Variants in KSR2 observed in about 807,000 individuals in gnomAD.
The protein encoded by KSR2 is kinase suppressor of ras 2.
In KSR2, 25 loss-of-function variants were observed where a neutral mutation model predicts 107.8. The observed-to-expected ratio is 0.23, with a 90% confidence interval of 0.17 to 0.32. The LOEUF (loss-of-function observed/expected upper bound fraction) is 0.32, where lower values mean the gene tolerates loss of function less well. Ranked by LOEUF, KSR2 falls within the 10% of genes least tolerant of loss-of-function variation. The pLI, the probability that KSR2 is intolerant of heterozygous loss-of-function variation, is 1.00. For synonymous variants in KSR2, 480 were observed against 507.0 expected (o/e 0.95, Z 0.71); for missense variants, 887 against 1,268.9 (o/e 0.70, Z 4.57).
chr12:117,805,240 TA>T (rs1890972197), intron 3 of KSR2, among the ~76,000 whole-genome samples: 1 of 152,240 alleles, frequency 6.6e-6, no homozygotes, highest in Non-Finnish European at 1.5e-5. Context: ...CACACCTTTT[TA>T]GGGACTAACT....
intron 5 of KSR2, among the ~76,000 whole-genome samples, chr12:117,596,779 C>T (rs1350130428): frequency 6.6e-6 from 1 of 152,140 alleles, no homozygotes; most frequent in Non-Finnish European, 1.5e-5. Context: ...ATTAAAATCT[C>T]CTAGTAGGCA....
At chr12:117,841,582 C>T (rs1193245770) in intron 3 of KSR2, among the ~76,000 whole-genome samples, 1 of 152,174 alleles carries the variant, frequency 6.6e-6, no homozygotes, top group Non-Finnish European at 1.5e-5. Context: ...TATCTCAGTT[C>T]CAGTGTAAGC....
Position 117,829,185 on chromosome 12 carries a change from C to G in KSR2, c.472+26243G>C, listed in dbSNP as rs573711930. The stretch of plus-strand genomic sequence containing the variant: ...CCAGTCTCATCTCCTCTTTTCATCT[C>G]CCTAATCCTCTTCCAGGCTGACTTC... On this transcript the variant is annotated intron_variant, in intron 3 of 19. Transcript: ENST00000339824. Among the ~76,000 whole-genome samples the G allele has an allele frequency of 2.6e-5, 4 of 152,308 alleles. 1 individual carries two copies. The South Asian group carries it at 8.3e-4, about 32-fold the overall frequency.
chr12:117,646,364 C>T (rs16947837), intron 5 of KSR2, among the ~76,000 whole-genome samples: 4,687 of 152,232 alleles, frequency 0.031, 242 homozygotes, highest in African/African-American at 0.11. Context: ...TATCAGCTCA[C>T]TGGGTCCTCG....
At chr12:117,481,095 A>G (rs1029564386) in intron 16 of KSR2, among the ~76,000 whole-genome samples, 1 of 152,176 alleles carries the variant, frequency 6.6e-6, no homozygotes, top group Non-Finnish European at 1.5e-5. Context: ...CAAAATGCTA[A>G]AATATCCTTC....
At chr12:117,536,092 C>T (rs1402174899) in intron 10 of KSR2, among the ~76,000 whole-genome samples, 1 of 152,194 alleles carries the variant, frequency 6.6e-6, no homozygotes, top group Non-Finnish European at 1.5e-5. Flanking sequence ...CTTTTCACCA[C>T]ATGTCCTGAG....
At chr12:117,611,960 T>C (rs1881628081) in intron 5 of KSR2, among the ~76,000 whole-genome samples, 1 of 151,980 alleles carries the variant, frequency 6.6e-6, no homozygotes, top group African/African-American at 2.4e-5. Flanking sequence ...CCAGAGACTA[T>C]GGGGAGGAGG....
chr12:117,781,626 G>A (rs571554870), intron 3 of KSR2, among the ~76,000 whole-genome samples: 4 of 152,252 alleles, frequency 2.6e-5, no homozygotes, highest in South Asian at 4.2e-4. Context: ...TCAACTGGAC[G>A]ATGAATTCCT....
chr12:117,886,919 T>C (rs1894193674), intron 1 of KSR2, among the ~76,000 whole-genome samples: 1 of 152,182 alleles, frequency 6.6e-6, no homozygotes, highest in Non-Finnish European at 1.5e-5. Flanking sequence ...CCTTTTCTTC[T>C]TTTTTCATTG....
chr12:117,793,648 A>T (rs1890400308), intron 3 of KSR2, among the ~76,000 whole-genome samples: 1 of 147,038 alleles, frequency 6.8e-6, no homozygotes, highest in Non-Finnish European at 1.5e-5. Context: ...ATGCACATAT[A>T]CACCAATATG....
At position 117,645,910 on chromosome 12, in the gene KSR2, T is replaced by TGC. The variant is rs1269408693; in HGVS notation, c.1171+21563_1171+21564insGC. On this transcript the variant is annotated intron_variant, in intron 5 of 19. Transcript: ENST00000339824. ...GTGTGTGTGTGTGTGTGTGTGTGTGTGTGTACAGCTGTCCTTCAGTATCCA... is the reference window on the plus strand; with the variant it reads ...GTGTGTGTGTGTGTGTGTGTGTGTGTGCGTGTACAGCTGTCCTTCAGTATCCA... Among the ~76,000 whole-genome samples the TGC allele has an allele frequency of 1.1e-3, 155 of 139,978 alleles. 1 individual carries two copies. Among genetic ancestry groups the TGC allele is most frequent in the African/African-American group, 4.3e-3 (148 of 34,090 alleles). The allele number at this position is 139,978 out of a possible 152,430, so 91.8% of individuals were successfully genotyped here.
intron 1 of KSR2, among the ~76,000 whole-genome samples, chr12:117,938,774 C>T (rs1895919535): frequency 6.6e-6 from 1 of 151,888 alleles, no homozygotes; most frequent in Admixed American, 6.6e-5. Context: ...AAATAACCAC[C>T]AAGTAGACAT....
intron 1 of KSR2, among the ~76,000 whole-genome samples, chr12:117,861,475 G>A (rs1286603072): frequency 3.1e-5 from 4 of 130,884 alleles, no homozygotes; most frequent in Non-Finnish European, 4.6e-5. Flanking sequence ...TGCAAGCTCC[G>A]CCTCCCGGGT....
Position 117,460,321 on chromosome 12 carries a change from A to G in KSR2, c.*6878T>C, listed in dbSNP as rs1440154609. The G allele has an allele frequency of 6.6e-6, 1 of 152,166 alleles. No homozygotes were observed. Among genetic ancestry groups the G allele is most frequent in the Non-Finnish European group, 1.5e-5 (1 of 68,032 alleles). The allele number at this position is 152,166 out of a possible 1,614,324, so 9.4% of individuals were successfully genotyped here. ...AGCTGCATGATCCCAATGAGTGGGAAGGAAGGGCCCTTTCCCACCCCTGAG... is the reference window on the plus strand; with the variant it reads ...AGCTGCATGATCCCAATGAGTGGGAGGGAAGGGCCCTTTCCCACCCCTGAG... On this transcript the variant is annotated 3_prime_UTR_variant, in exon 20 of 20. Coordinates refer to ENST00000339824, the MANE Select transcript of KSR2 (RefSeq NM_173598.6).
In KSR2 at chr12:117,539,588, T is replaced by A. The variant is rs972546339; in HGVS notation, c.1687+131A>T. 15 of 817,698 alleles carry A rather than the reference T, an allele frequency of 1.8e-5. 1 individual carries two copies. Among genetic ancestry groups the A allele is most frequent in the Non-Finnish European group, 2.2e-5 (12 of 545,312 alleles). The allele number at this position is 817,698 out of a possible 1,614,324, so 50.7% of individuals were successfully genotyped here. On this transcript the variant is annotated intron_variant, in intron 10 of 19. Coordinates refer to ENST00000339824, the MANE Select transcript of KSR2 (RefSeq NM_173598.6). ...GTCAGTCCACATACTTCCTTGCCCCTCTCTGGTCATTGACCCATTCGCTTT... is the reference window on the plus strand; with the variant it reads ...GTCAGTCCACATACTTCCTTGCCCCACTCTGGTCATTGACCCATTCGCTTT...
rs535627375 is a variant in KSR2 at position 117,656,583 on chromosome 12, C to T, written c.1171+10891G>A. The stretch of plus-strand genomic sequence containing the variant: ...TAGCCAAGATCGTGCCATTGCACTC[C>T]AGCCTGGGCAACAAGAGTGAAACTG... On this transcript the variant is annotated intron_variant, in intron 5 of 19. Coordinates refer to ENST00000339824, the MANE Select transcript of KSR2 (RefSeq NM_173598.6). 2.0e-5 allele frequency among the ~76,000 whole-genome samples: 3 copies of T among 152,308 alleles called. No homozygotes were observed. The East Asian group carries it at 5.8e-4, about 29-fold the overall frequency.
intron 5 of KSR2, among the ~76,000 whole-genome samples, chr12:117,652,772 G>C (rs1002971539): frequency 6.6e-6 from 1 of 152,146 alleles, no homozygotes; most frequent in Non-Finnish European, 1.5e-5. Flanking sequence ...ACATCACTGT[G>C]GTCCTCCAGT....
At chr12:117,740,470 TA>T (rs1434705053) in intron 4 of KSR2, among the ~76,000 whole-genome samples, 1 of 119,426 alleles carries the variant, frequency 8.4e-6, no homozygotes, top group Non-Finnish European at 1.8e-5. Context: ...ATATTATATG[TA>T]ATATATAACA....
chr12:117,830,434 T>A (rs936881782), intron 3 of KSR2, among the ~76,000 whole-genome samples: 2 of 152,006 alleles, frequency 1.3e-5, no homozygotes, highest in Admixed American at 6.6e-5. Flanking sequence ...ATTATCCATA[T>A]CCCAAACCTC....
Sources: gnomAD v4.1 joint callset for allele counts (sites outside exome capture counted in the v4.1 genomes callset) on GRCh38, gnomAD v4.1.1 for gene constraint, MANE v1.5 for transcripts, NCBI Gene and HGNC (gene_info 2026-07-23, HGNC 2026-07-21) for gene names.